The following NELL2 variants were observed in gnomAD, a reference collection of about 807,000 sequenced individuals.
The protein encoded by NELL2 is protein kinase C-binding protein NELL2.
NELL2 carries 41 observed loss-of-function variants against 109.6 expected under a neutral mutation model. The observed-to-expected ratio is 0.37, with a 90% CI of 0.29 to 0.49. The LOEUF (loss-of-function observed/expected upper bound fraction) is 0.49, where lower values mean the gene tolerates loss of function less well. NELL2 is among the 20% of genes least tolerant of loss of function. NELL2 has a pLI of 0.98. For synonymous variants in NELL2, 355 were observed against 344.7 expected (o/e 1.03, Z -0.33); for missense variants, 900 against 1,008.3 (o/e 0.89, Z 1.45).
chr12:44,885,066 G>A (rs534982976), intron 1 of NELL2, among the ~76,000 whole-genome samples: 1 of 151,858 alleles, frequency 6.6e-6, no homozygotes, highest in African/African-American at 2.4e-5. Context: ...ATCACCTGAG[G>A]TCAGGAGTTC....
rs1054582927 is a variant in NELL2 at position 44,508,638 on chromosome 12, A to G, written c.*296T>C. ...GAAGCTAGAGGCTTTCACAGATCCA[A>G]TGGGCTCAGGCTTTCTATCCAGGGT... On this transcript the variant is annotated 3_prime_UTR_variant, in exon 20 of 20. Transcript: ENST00000429094. 1.5e-4 allele frequency: 36 copies of G among 238,106 alleles called. No individual in the cohort carries two copies. Among genetic ancestry groups the G allele is most frequent in the African/African-American group, 7.7e-4 (34 of 44,266 alleles). The allele number at this position is 238,106 out of a possible 1,614,324, so 14.7% of individuals were successfully genotyped here.
At chr12:44,564,948 T>C (rs1397416195) in intron 15 of NELL2, among the ~76,000 whole-genome samples, 1 of 152,172 alleles carries the variant, frequency 6.6e-6, no homozygotes, top group Non-Finnish European at 1.5e-5. Flanking sequence ...TGTATATCCC[T>C]TACAGCAGTG....
intron 12 of NELL2, among the ~76,000 whole-genome samples, chr12:44,688,796 A>C (rs1948812661): frequency 6.6e-6 from 1 of 152,222 alleles, no homozygotes; most frequent in Non-Finnish European, 1.5e-5. Flanking sequence ...GTGTGTATTC[A>C]CATACTAGAA....
At chr12:44,794,230 G>A (rs1942536922) in intron 3 of NELL2, among the ~76,000 whole-genome samples, 1 of 152,138 alleles carries the variant, frequency 6.6e-6, no homozygotes, top group Non-Finnish European at 1.5e-5. Context: ...TTGCCTCATT[G>A]GATTTTTGTG....
intron 2 of NELL2, among the ~76,000 whole-genome samples, chr12:44,860,201 C>T (rs78114860): frequency 3.9e-5 from 6 of 152,310 alleles, no homozygotes; most frequent in African/African-American, 7.2e-5. Context: ...ACCTATTGTA[C>T]GTCCCAAATG....
chr12:44,876,852 C>G, upstream of NELL2: 1 of 1,305,662 alleles, frequency 7.7e-7, no homozygotes. Flanking sequence ...TAGGTAGAGA[C>G]TGGTGGGGAC....
At chr12:44,775,231 ACACACATGCATGTGCGTGCGCACG>A (rs1941708016) in intron 8 of NELL2, among the ~76,000 whole-genome samples, 1 of 148,616 alleles carries the variant, frequency 6.7e-6, no homozygotes, top group Admixed American at 6.6e-5. Context: ...ACGCACGCAC[ACACACATGCATGTGCGTGCGCACG>A]CACACACACA....
chr12:44,867,108 G>C (rs772391204), intron 2 of NELL2, among the ~76,000 whole-genome samples: 3 of 152,108 alleles, frequency 2.0e-5, no homozygotes, highest in Non-Finnish European at 2.9e-5. Flanking sequence ...AAATGAAGAA[G>C]AGGGAATAAA....
At chr12:44,921,499 C>T (rs80130735) in intron 1 of NELL2, among the ~76,000 whole-genome samples, 2,034 of 152,192 alleles carry the variant, frequency 0.013, 20 homozygotes, top group Non-Finnish European at 0.022. Flanking sequence ...CTCCAGCTCA[C>T]ATGTAATGTA....
At chr12:44,514,721 A>G (rs1353807401) in intron 19 of NELL2, among the ~76,000 whole-genome samples, 2 of 151,460 alleles carry the variant, frequency 1.3e-5, no homozygotes, top group African/African-American at 4.8e-5. Context: ...ATGTGAATAA[A>G]TATAAAATAT....
intron 9 of NELL2, among the ~76,000 whole-genome samples, chr12:44,737,670 G>A (rs1253542041): frequency 1.3e-5 from 2 of 151,824 alleles, no homozygotes; most frequent in Non-Finnish European, 2.9e-5. Context: ...ATGAGTATTG[G>A]CCCACAGAGA....
chr12:44,774,786 G>A lies in NELL2; in HGVS notation c.955C>T (p.Leu319Phe), dbSNP rs772890323. Residue 319 changes from leucine to phenylalanine, a missense_variant, in exon 9 of 20, where the codon CTT (leucine) becomes TTT (phenylalanine). This residue lies in a region of NELL2 where 292 missense variants were observed against 265.3 expected (regional missense o/e 1.10). Transcript: ENST00000429094. The stretch of plus-strand genomic sequence containing the variant: ...CAGCATTTGCCATCCACATACGCAA[G>A]AGCCGACTTAAGTGGGCAGTCAGGA... ...PNPDCPLKSA[L>F]AYVDGKCCKE... 15 of 1,614,130 alleles carry A rather than the reference G, an allele frequency of 9.3e-6. No homozygotes were observed. The highest frequency in any genetic ancestry group is 1.0e-5 in the Non-Finnish European group (12 of 1,180,000).
chr12:44,905,041 A>T (rs1945704607), intron 1 of NELL2, among the ~76,000 whole-genome samples: 1 of 151,940 alleles, frequency 6.6e-6, no homozygotes, highest in Admixed American at 6.6e-5. Flanking sequence ...ATGAGATCAT[A>T]AAAAAAACTT....
At chr12:44,699,836 T>C (rs1359688184) in intron 12 of NELL2, among the ~76,000 whole-genome samples, 1 of 152,154 alleles carries the variant, frequency 6.6e-6, no homozygotes, top group Non-Finnish European at 1.5e-5. Context: ...TCTCTCCTCC[T>C]ACGTTTCAGC....
intron 15 of NELL2, among the ~76,000 whole-genome samples, chr12:44,603,545 T>C (rs762412574): frequency 3.3e-5 from 5 of 152,170 alleles, no homozygotes; most frequent in East Asian, 3.8e-4. Context: ...ATACATTTTA[T>C]TGAATTACCC....
chr12:44,872,500 AC>A (rs1945192355), intron 2 of NELL2, among the ~76,000 whole-genome samples: 1 of 152,184 alleles, frequency 6.6e-6, no homozygotes, highest in Non-Finnish European at 1.5e-5. Flanking sequence ...TAATAAATTT[AC>A]GAGTTTCAAA....
intron 3 of NELL2, among the ~76,000 whole-genome samples, chr12:44,784,563 C>T (rs1163471115): frequency 6.6e-6 from 1 of 152,072 alleles, no homozygotes; most frequent in Non-Finnish European, 1.5e-5. Context: ...CAAAACCTGG[C>T]AGAGACACAA....
intron 9 of NELL2, among the ~76,000 whole-genome samples, chr12:44,765,216 A>C (rs902287220): frequency 1.3e-5 from 2 of 152,222 alleles, no homozygotes; most frequent in Non-Finnish European, 2.9e-5. Flanking sequence ...TTATATCTGC[A>C]TATTATCTAT....
At chr12:44,771,593 T>C (rs1456258526) in intron 9 of NELL2, among the ~76,000 whole-genome samples, 1 of 152,232 alleles carries the variant, frequency 6.6e-6, no homozygotes, top group African/African-American at 2.4e-5. Context: ...GCCTTGGCAT[T>C]CCTGCCTTTG....
Sources: allele counts gnomAD v4.1 joint callset (sites outside exome capture counted in the v4.1 genomes callset), GRCh38; gene constraint gnomAD v4.1.1; regional missense constraint gnomAD v4.1.1; transcripts MANE v1.5; gene names NCBI Gene and HGNC (gene_info 2026-07-23, HGNC 2026-07-21).